The following ITSN1 variants were observed in gnomAD, a reference collection of about 807,000 sequenced individuals.
ITSN1 encodes the protein intersectin-1.
Under a neutral mutation model 239.8 loss-of-function variants are expected in ITSN1, and 58 were observed. The ratio of observed to expected loss-of-function variants is 0.24; its 90% confidence interval spans 0.20 to 0.30. The LOEUF (loss-of-function observed/expected upper bound fraction) is 0.30, where lower values mean the gene tolerates loss of function less well. Among genes scored for constraint, ITSN1 ranks in the 10% least tolerant of loss-of-function variants. The probability of loss-of-function intolerance (pLI) is 1.00; values close to 1 mark genes in which losing one functional copy is unlikely to be tolerated. For missense variants in ITSN1, 1,558 were observed against 2,103.3 expected (o/e 0.74, Z 5.07); for synonymous variants, 780 against 770.8 (o/e 1.01, Z -0.20).
intron 1 of ITSN1, among the ~76,000 whole-genome samples, chr21:33,717,619 A>ACT (rs2065230761): frequency 6.6e-6 from 1 of 151,790 alleles, no homozygotes; most frequent in African/African-American, 2.4e-5. Flanking sequence ...GCAGGGGTGC[A>ACT]ATCTCGGCTC....
At chr21:33,699,338 CTTATTACCT>C (rs2091916084) in intron 1 of ITSN1, among the ~76,000 whole-genome samples, 1 of 152,150 alleles carries the variant, frequency 6.6e-6, no homozygotes, top group African/African-American at 2.4e-5. Context: ...ATCAATTACA[CTTATTACCT>C]TAGTACCATA....
intron 5 of ITSN1, among the ~76,000 whole-genome samples, chr21:33,741,066 C>T (rs756360201): frequency 2.0e-5 from 3 of 152,108 alleles, no homozygotes; most frequent in Non-Finnish European, 4.4e-5. Context: ...TGGCCTTTTC[C>T]TCAGTGTCTT....
chr21:33,830,852 C>T (rs75709321), intron 27 of ITSN1, among the ~76,000 whole-genome samples: 3,409 of 124,724 alleles, frequency 0.027, 60 homozygotes, highest in Non-Finnish European at 0.039. Flanking sequence ...AAGATGTAAG[C>T]AACTTGCAAT....
chr21:33,831,496 C>T (rs964203561), intron 27 of ITSN1, among the ~76,000 whole-genome samples: 2 of 152,092 alleles, frequency 1.3e-5, no homozygotes, highest in African/African-American at 2.4e-5. Flanking sequence ...TATGGAACTA[C>T]GTAAGTTTGA....
At chr21:33,726,050 A>G (rs2065813950) in intron 4 of ITSN1, among the ~76,000 whole-genome samples, 2 of 152,046 alleles carry the variant, frequency 1.3e-5, no homozygotes, top group African/African-American at 4.8e-5. Context: ...CTGGAGTGCA[A>G]TGGCACGATC....
Position 33,885,531 on chromosome 21 carries a change from G to A in ITSN1, c.4843+9G>A, listed in dbSNP as rs773307012. The A allele has an allele frequency of 1.2e-6, 2 of 1,612,884 alleles. No homozygotes were observed. The highest frequency in any genetic ancestry group is 1.1e-5 in the South Asian group (1 of 91,046). The stretch of plus-strand genomic sequence containing the variant: ...ACCCTGTCGGTCACATGGTAAGGCT[G>A]TGAGGCGCCCCCGGCTCCTGCTTTG... On this transcript the variant is annotated intron_variant, in intron 38 of 39. Transcript: ENST00000381318.
chr21:33,855,236 A>G (rs1979098101), intron 29 of ITSN1, among the ~76,000 whole-genome samples: 1 of 152,200 alleles, frequency 6.6e-6, no homozygotes, highest in African/African-American at 2.4e-5. Flanking sequence ...AATCCTCTGG[A>G]GAGCTTGTTA....
intron 1 of ITSN1, among the ~76,000 whole-genome samples, chr21:33,666,169 G>C (rs2146317366): frequency 6.6e-6 from 1 of 152,266 alleles, no homozygotes; most frequent in Admixed American, 6.5e-5. Flanking sequence ...GACCTCAAGT[G>C]ATCCACCTGC....
intron 1 of ITSN1, among the ~76,000 whole-genome samples, chr21:33,698,767 G>T (rs1296196455): frequency 1.3e-5 from 2 of 152,168 alleles, no homozygotes; most frequent in African/African-American, 4.8e-5. Flanking sequence ...TTACAGGGCA[G>T]CTTTCTTCTT....
chr21:33,657,714 C>T (rs979741976), intron 1 of ITSN1, among the ~76,000 whole-genome samples: 19 of 152,094 alleles, frequency 1.2e-4, no homozygotes, highest in East Asian at 1.9e-4. Flanking sequence ...AGCAGGGCTC[C>T]GTGGCCCTTG....
At chr21:33,811,656 G>C (rs149205908) in intron 21 of ITSN1, among the ~76,000 whole-genome samples, 2 of 152,324 alleles carry the variant, frequency 1.3e-5, no homozygotes, top group Non-Finnish European at 2.9e-5. Flanking sequence ...ATAGAAAGCT[G>C]TTTCCTTTAA....
chr21:33,833,593 C>T lies in ITSN1; in HGVS notation c.3352-714C>T, dbSNP rs542752108. On this transcript the variant is annotated intron_variant, in intron 27 of 39. Coordinates refer to ENST00000381318, the MANE Select transcript of ITSN1 (RefSeq NM_003024.3). ...TAAAAAGTACTCAGTGAGGGCCGGGCGCGGTGGCGCACGCCTGTAATCCCA... is the reference window on the plus strand; with the variant it reads ...TAAAAAGTACTCAGTGAGGGCCGGGTGCGGTGGCGCACGCCTGTAATCCCA... 9.2e-5 allele frequency among the ~76,000 whole-genome samples: 14 copies of T among 152,282 alleles called. No homozygotes were observed. In the South Asian group the frequency reaches 1.5e-3, roughly 16 times the overall value.
chr21:33,784,579 G>A (rs904343829), intron 16 of ITSN1, among the ~76,000 whole-genome samples: 1 of 152,184 alleles, frequency 6.6e-6, no homozygotes, highest in Non-Finnish European at 1.5e-5. Flanking sequence ...ACACGCATTT[G>A]GAGGACTTAG....
intron 11 of ITSN1, among the ~76,000 whole-genome samples, chr21:33,769,472 A>G (rs1253472168): frequency 6.6e-6 from 1 of 152,180 alleles, no homozygotes; most frequent in East Asian, 1.9e-4. Context: ...TACCATAACA[A>G]AATAGCATAG....
chr21:33,762,061 A>G, intron 9 of ITSN1, 75 bp downstream of exon 9: 1 of 1,029,388 alleles, frequency 9.7e-7, no homozygotes, highest in Non-Finnish European at 1.5e-6. Flanking sequence ...TGGGTTTTAG[A>G]TTAATACCGT....
At chr21:33,751,145 G>A (rs1039763983) in intron 6 of ITSN1, among the ~76,000 whole-genome samples, 4 of 152,058 alleles carry the variant, frequency 2.6e-5, no homozygotes, top group Non-Finnish European at 4.4e-5. Context: ...AGTTCATCTT[G>A]CATATATGAC....
Position 33,823,501 on chromosome 21 carries a change from T to A in ITSN1, c.3031T>A (p.Tyr1011Asn), listed in dbSNP as rs773086924. ...CTCCCCACCAGAATTTATTGCCATG[T>A]ACACTTACGAGAGTTCTGAGCAAGG... is the stretch of plus-strand genomic sequence containing the variant. ...VVSGEEFIAM[Y>N]TYESSEQGDL... The change falls in exon 25 of 40, where the codon TAC (tyrosine) becomes AAC (asparagine). Residue 1011 changes from tyrosine (Y) to asparagine (N), a missense_variant. This residue lies in a region of ITSN1 where 982 missense variants were observed against 1,209.9 expected (regional missense o/e 0.81). Transcript: ENST00000381318. The A allele has an allele frequency of 6.2e-7, 1 of 1,613,882 alleles. No homozygotes were observed. Among genetic ancestry groups the A allele is most frequent in the South Asian group, 1.1e-5 (1 of 91,056 alleles).
intron 24 of ITSN1, among the ~76,000 whole-genome samples, chr21:33,821,757 A>C (rs2073690923): frequency 6.6e-6 from 1 of 152,238 alleles, no homozygotes; most frequent in Non-Finnish European, 1.5e-5. Flanking sequence ...TTGGAAAGTT[A>C]CTTCAAAATT....
In ITSN1 at chr21:33,893,778, GT is replaced by G. The variant is rs1369180585; in HGVS notation, c.*5479del. The G allele has an allele frequency of 6.6e-6, 1 of 152,022 alleles. No individual in the cohort carries two copies. The highest frequency in any genetic ancestry group is 1.5e-5 in the Non-Finnish European group (1 of 68,024). 9.4% of individuals were successfully genotyped at this position (152,022 alleles called of 1,614,324 possible). Reference sequence around the variant, plus strand: ...AATTCCTGTTTCCTCAGCCTGCACTGTATCAGATCCAGGATATGTCTGCATT... The same window carrying G: ...AATTCCTGTTTCCTCAGCCTGCACTGATCAGATCCAGGATATGTCTGCATT... On this transcript the variant is annotated 3_prime_UTR_variant, in exon 40 of 40. Coordinates refer to ENST00000381318, the MANE Select transcript of ITSN1 (RefSeq NM_003024.3).
Sources: gnomAD v4.1 joint callset for allele counts (sites outside exome capture counted in the v4.1 genomes callset) on GRCh38, gnomAD v4.1.1 for gene constraint, gnomAD v4.1.1 regional missense constraint, MANE v1.5 for transcripts, NCBI Gene and HGNC (gene_info 2026-07-23, HGNC 2026-07-21) for gene names.